The following DEPDC1B variants were observed in gnomAD, a reference collection of about 807,000 sequenced individuals.
The protein encoded by DEPDC1B is DEP domain-containing protein 1B.
In DEPDC1B, 51 loss-of-function variants were observed where a neutral mutation model predicts 66.5. That is an observed-to-expected ratio of 0.77 (90% CI 0.61 to 0.97). The LOEUF (loss-of-function observed/expected upper bound fraction) is 0.97, where lower values mean the gene tolerates loss of function less well. Among genes scored for constraint, DEPDC1B ranks in the 50% least tolerant of loss-of-function variants. DEPDC1B has a pLI of 0.00. For missense variants in DEPDC1B, 552 were observed against 637.1 expected, an observed-to-expected ratio of 0.87 and a Z score of 1.44; for synonymous variants, 226 against 223.6, an observed-to-expected ratio of 1.01 and a Z score of -0.10.
At chr5:60,600,121 G>T (rs1169228490) in intron 9 of DEPDC1B, among the ~76,000 whole-genome samples, 1 of 152,206 alleles carries the variant, frequency 6.6e-6, no homozygotes, top group Non-Finnish European at 1.5e-5. Flanking sequence ...CATCTGAAGA[G>T]TGTGATTCTC....
intron 5 of DEPDC1B, among the ~76,000 whole-genome samples, chr5:60,644,211 C>A (rs1369175445): frequency 6.6e-6 from 1 of 152,146 alleles, no homozygotes; most frequent in Non-Finnish European, 1.5e-5. Context: ...TGTTAGGTGG[C>A]TGTTATATGG....
At chr5:60,690,462 T>C (rs190185287) in intron 1 of DEPDC1B, among the ~76,000 whole-genome samples, 2 of 152,366 alleles carry the variant, frequency 1.3e-5, no homozygotes, top group Admixed American at 1.3e-4. Context: ...TCATCTCTTT[T>C]GAAGAAGGAA....
chr5:60,628,286 T>A (rs1752847265), intron 7 of DEPDC1B: 1 of 152,158 alleles, frequency 6.6e-6, no homozygotes, highest in South Asian at 2.1e-4. Context: ...AAACACAAAT[T>A]TTTCATCTTT....
intron 7 of DEPDC1B, among the ~76,000 whole-genome samples, chr5:60,618,187 G>A (rs56147294): frequency 0.034 from 2,851 of 82,806 alleles, 107 homozygotes; most frequent in African/African-American, 0.2. Flanking sequence ...GAGAAAGCAG[G>A]AAAGATCTAA....
intron 2 of DEPDC1B, among the ~76,000 whole-genome samples, chr5:60,653,064 T>G (rs1753492584): frequency 6.7e-6 from 1 of 149,410 alleles, no homozygotes; most frequent in Admixed American, 6.6e-5. Context: ...TGTGCTGCTA[T>G]AAACATGTGT....
chr5:60,688,280 C>T (rs1032071220), intron 1 of DEPDC1B, among the ~76,000 whole-genome samples: 1 of 151,872 alleles, frequency 6.6e-6, no homozygotes, highest in South Asian at 2.1e-4. Flanking sequence ...TTAAAACTAC[C>T]TCATGGTTCC....
Position 60,638,442 on chromosome 5 carries a change from G to A in DEPDC1B, c.898+308C>T, listed in dbSNP as rs547113219. Among the ~76,000 whole-genome samples, 39 of 152,308 alleles carry A rather than the reference G, an allele frequency of 2.6e-4. 1 individual carries two copies. The South Asian group carries it at 7.7e-3, about 30-fold the overall frequency. ...ACAGATTTAACCAGGAATAGTAAAT[G>A]TCAAACTTACATTCTCCTCTGCCAA... is the stretch of plus-strand genomic sequence containing the variant. On this transcript the variant is annotated intron_variant, in intron 7 of 10. Coordinates refer to ENST00000265036, the MANE Select transcript of DEPDC1B (RefSeq NM_018369.3).
chr5:60,677,838 G>A (rs1388620871), intron 2 of DEPDC1B, among the ~76,000 whole-genome samples: 1 of 152,104 alleles, frequency 6.6e-6, no homozygotes, highest in Non-Finnish European at 1.5e-5. Flanking sequence ...GATGAAATGA[G>A]TAAAAACAAA....
At chr5:60,604,161 T>C (rs945517043) in intron 8 of DEPDC1B, among the ~76,000 whole-genome samples, 1 of 149,120 alleles carries the variant, frequency 6.7e-6, no homozygotes, top group Non-Finnish European at 1.5e-5. Context: ...CAAGCAGAAA[T>C]GCAAAATATA....
chr5:60,624,043 G>C (rs1012571945), intron 7 of DEPDC1B, among the ~76,000 whole-genome samples: 2 of 152,010 alleles, frequency 1.3e-5, no homozygotes, highest in African/African-American at 4.8e-5. Flanking sequence ...ATGAAATGTT[G>C]TATAGCAGTG....
At chr5:60,688,541 T>C (rs1342788531) in intron 1 of DEPDC1B, among the ~76,000 whole-genome samples, 2 of 152,200 alleles carry the variant, frequency 1.3e-5, no homozygotes, top group Non-Finnish European at 2.9e-5. Context: ...CCTATCACAG[T>C]GTCTGTCACG....
chr5:60,598,032 T>C (rs1433947759), intron 10 of DEPDC1B, 118 bp from the exon 11 acceptor site: 4 of 880,870 alleles, frequency 4.5e-6, no homozygotes, highest in African/African-American at 3.5e-5. Flanking sequence ...TTATTTTTGT[T>C]AAAACATTTC....
intron 7 of DEPDC1B, among the ~76,000 whole-genome samples, chr5:60,625,696 C>T (rs1752795420): frequency 6.6e-6 from 1 of 152,120 alleles, no homozygotes; most frequent in Non-Finnish European, 1.5e-5. Flanking sequence ...ATACATTCTA[C>T]CCCCCTCCTC....
At chr5:60,642,043 T>C (rs1293232393) in intron 6 of DEPDC1B, among the ~76,000 whole-genome samples, 2 of 152,182 alleles carry the variant, frequency 1.3e-5, no homozygotes, top group Non-Finnish European at 2.9e-5. Context: ...CATTCTATAA[T>C]CAAACAAAAC....
intron 2 of DEPDC1B, among the ~76,000 whole-genome samples, chr5:60,670,656 A>G (rs1012934209): frequency 5.3e-5 from 8 of 152,242 alleles, no homozygotes; most frequent in African/African-American, 1.9e-4. Flanking sequence ...GAATTAAGTC[A>G]GAGGACTCTA....
chr5:60,679,878 G>A (rs1456271071), intron 2 of DEPDC1B, among the ~76,000 whole-genome samples: 4 of 152,204 alleles, frequency 2.6e-5, no homozygotes, highest in South Asian at 2.1e-4. Flanking sequence ...ATAATATTAC[G>A]TAATTGTTCA....
chr5:60,695,822 A>G (rs1030356625), intron 1 of DEPDC1B, among the ~76,000 whole-genome samples: 2 of 152,058 alleles, frequency 1.3e-5, no homozygotes, highest in African/African-American at 4.8e-5. Context: ...TTTTTGAGAC[A>G]GAGTCTCGCT....
rs552402809 is a variant in DEPDC1B at position 60,612,367 on chromosome 5, G to A, written c.899-6511C>T. On this transcript the variant is annotated intron_variant, in intron 7 of 10. Coordinates refer to ENST00000265036, the MANE Select transcript of DEPDC1B (RefSeq NM_018369.3). ...GAGCCCAGGAAGTGGAGGTTGCAAT[G>A]AGCCAAGATTGTGCCGCTGCACTCC... Among the ~76,000 whole-genome samples, 5 of 150,890 alleles carry A rather than the reference G, an allele frequency of 3.3e-5. No individual in the cohort carries two copies. In the South Asian group the frequency reaches 8.4e-4, roughly 25 times the overall value.
intron 2 of DEPDC1B, among the ~76,000 whole-genome samples, chr5:60,657,665 A>G (rs562633997): frequency 6.6e-6 from 1 of 152,230 alleles, no homozygotes; most frequent in East Asian, 1.9e-4. Flanking sequence ...ATCTCCTGTT[A>G]ATCTGATAGG....
Sources: allele counts gnomAD v4.1 joint callset (sites outside exome capture counted in the v4.1 genomes callset), GRCh38; gene constraint gnomAD v4.1.1; transcripts MANE v1.5; gene names NCBI Gene and HGNC (gene_info 2026-07-23, HGNC 2026-07-21).